The following ADAD1 variants were observed in gnomAD, a reference collection of about 807,000 sequenced individuals.
ADAD1 encodes adenosine deaminase domain containing 1.
In ADAD1, 46 loss-of-function variants were observed where a neutral mutation model predicts 66.8. The observed-to-expected ratio is 0.69, with a 90% CI of 0.54 to 0.88. The LOEUF (loss-of-function observed/expected upper bound fraction) is 0.88. Ranked by LOEUF, ADAD1 falls within the 40% of genes least tolerant of loss-of-function variation. The probability of loss-of-function intolerance (pLI) is 0.00; values close to 1 mark genes in which losing one functional copy is unlikely to be tolerated. For missense variants in ADAD1, 617 were observed against 681.8 expected, an observed-to-expected ratio of 0.91 and a Z score of 1.06; for synonymous variants, 248 against 229.4, an observed-to-expected ratio of 1.08 and a Z score of -0.73.
chr4:122,408,713 A>C (rs1047465723), intron 8 of ADAD1, among the ~76,000 whole-genome samples: 3 of 152,014 alleles, frequency 2.0e-5, no homozygotes, highest in African/African-American at 7.3e-5. Flanking sequence ...TGTGGGACCT[A>C]GTTTCTACAA....
At chr4:122,394,592 A>G (rs1258879114) in intron 6 of ADAD1, among the ~76,000 whole-genome samples, 1 of 152,202 alleles carries the variant, frequency 6.6e-6, no homozygotes, top group East Asian at 1.9e-4. Flanking sequence ...TCAAAAGACA[A>G]AAATCCACCA....
chr4:122,388,250 G>T (rs902369879), intron 5 of ADAD1, among the ~76,000 whole-genome samples: 2 of 152,200 alleles, frequency 1.3e-5, no homozygotes, highest in African/African-American at 4.8e-5. Flanking sequence ...TTTTTGATGT[G>T]CTGCTGGATT....
chr4:122,414,586 C>A (rs1371156314), intron 10 of ADAD1, among the ~76,000 whole-genome samples: 1 of 151,960 alleles, frequency 6.6e-6, no homozygotes, highest in South Asian at 2.1e-4. Context: ...ATAATGCAGC[C>A]CTAGTAACTA....
In ADAD1 at chr4:122,381,085, A is replaced by C. The variant is rs140553056; in HGVS notation, c.266A>C (p.Lys89Thr). ...PKKIPKEFIMKYKRGEINPVS... is the reference protein window; with the variant it reads ...PKKIPKEFIMTYKRGEINPVS... ...AAAATACCTAAGGAATTTATAATGA[A>C]ATACAAACGTGGAGAGATAAATCCT... Residue 89 changes from lysine to threonine, a missense_variant, in exon 4 of 13, where the codon AAA (lysine) becomes ACA (threonine). Lys to Thr is a moderately conservative substitution (Grantham distance 78). Transcript: ENST00000296513. 5.6e-6 allele frequency: 9 copies of C among 1,605,960 alleles called. No homozygotes were observed. The highest frequency in any genetic ancestry group is 1.1e-5 in the South Asian group (1 of 88,582).
intron 7 of ADAD1, among the ~76,000 whole-genome samples, chr4:122,405,809 C>A (rs1229410813): frequency 6.6e-6 from 1 of 152,154 alleles, no homozygotes. Context: ...TTAGATTCCA[C>A]ATATGAGTGA....
At chr4:122,385,873 C>G (rs1795148772) in intron 5 of ADAD1, among the ~76,000 whole-genome samples, 1 of 152,184 alleles carries the variant, frequency 6.6e-6, no homozygotes, top group Non-Finnish European at 1.5e-5. Context: ...GACATGATCT[C>G]ATTCCTTTTT....
At chr4:122,409,544 C>T (rs1466279985) in intron 8 of ADAD1, among the ~76,000 whole-genome samples, 1 of 152,098 alleles carries the variant, frequency 6.6e-6, no homozygotes, top group Non-Finnish European at 1.5e-5. Flanking sequence ...CAATTATAGT[C>T]ATTTAGTTAT....
chr4:122,394,806 A>G (rs1795619128), intron 6 of ADAD1, among the ~76,000 whole-genome samples: 2 of 152,232 alleles, frequency 1.3e-5, no homozygotes. Flanking sequence ...TACTTCAGGA[A>G]AACAGGTGAT....
At chr4:122,403,098 T>C (rs1339146835) in intron 7 of ADAD1, among the ~76,000 whole-genome samples, 1 of 152,204 alleles carries the variant, frequency 6.6e-6, no homozygotes, top group Non-Finnish European at 1.5e-5. Context: ...CTTTTCTGGT[T>C]CCTTCTCATT....
chr4:122,407,405 G>A (rs957123697), intron 7 of ADAD1, among the ~76,000 whole-genome samples: 2 of 152,092 alleles, frequency 1.3e-5, no homozygotes, highest in African/African-American at 4.8e-5. Flanking sequence ...CAAAGTTACT[G>A]GAAAAAGCAT....
At chr4:122,407,617 C>T (rs754985470) in intron 7 of ADAD1, among the ~76,000 whole-genome samples, 9 of 151,908 alleles carry the variant, frequency 5.9e-5, no homozygotes, top group African/African-American at 1.2e-4. Flanking sequence ...AAATAGAAAG[C>T]GATATTTGAA....
chr4:122,392,811 A>G (rs1580751530), intron 5 of ADAD1, among the ~76,000 whole-genome samples: 2 of 152,214 alleles, frequency 1.3e-5, no homozygotes, highest in African/African-American at 2.4e-5. Flanking sequence ...ATAAAAAAAT[A>G]AAAAGTCCAG....
intron 6 of ADAD1, among the ~76,000 whole-genome samples, chr4:122,394,041 C>G (rs1041183030): frequency 6.6e-6 from 1 of 152,090 alleles, no homozygotes; most frequent in African/African-American, 2.4e-5. Context: ...ATTTGTCACT[C>G]AAGCCCGAGA....
chr4:122,416,253 A>G (rs1796728371), intron 11 of ADAD1, among the ~76,000 whole-genome samples: 1 of 152,326 alleles, frequency 6.6e-6, no homozygotes, highest in South Asian at 2.1e-4. Flanking sequence ...GTTCTTAACT[A>G]TGATGTTGTG....
chr4:122,382,956 A>G (rs1193905826), intron 4 of ADAD1, among the ~76,000 whole-genome samples: 1 of 152,180 alleles, frequency 6.6e-6, no homozygotes, highest in East Asian at 1.9e-4. Flanking sequence ...GTGAGGAAAT[A>G]AGAGTGGGGT....
At chr4:122,385,765 C>T (rs915901807) in intron 5 of ADAD1, among the ~76,000 whole-genome samples, 10 of 152,168 alleles carry the variant, frequency 6.6e-5, no homozygotes, top group Non-Finnish European at 1.5e-4. Flanking sequence ...CAATGTTCAG[C>T]TCCCACTTAT....
intron 12 of ADAD1, among the ~76,000 whole-genome samples, chr4:122,423,153 C>T (rs1011626764): frequency 1.3e-5 from 2 of 152,086 alleles, no homozygotes; most frequent in Non-Finnish European, 2.9e-5. Context: ...CCACCAAAAG[C>T]AGCAGCTTTG....
intron 2 of ADAD1, 54 bp downstream of exon 2, chr4:122,379,499 G>C (rs1284414933): frequency 1.3e-5 from 2 of 152,540 alleles, no homozygotes; most frequent in Non-Finnish European, 2.9e-5. Context: ...TCCTGCAGGG[G>C]CGACGCGAGG....
chr4:122,399,487 T>C (rs576040923), intron 7 of ADAD1, among the ~76,000 whole-genome samples: 1 of 152,276 alleles, frequency 6.6e-6, no homozygotes, highest in Admixed American at 6.5e-5. Context: ...TTTGGTTCTA[T>C]GTGAATTTTA....
Sources: allele counts gnomAD v4.1 joint callset (sites outside exome capture counted in the v4.1 genomes callset), GRCh38; gene constraint gnomAD v4.1.1; transcripts MANE v1.5; gene names NCBI Gene and HGNC (gene_info 2026-07-23, HGNC 2026-07-21).